IMPG1: variants seen among roughly 807,000 people sequenced by gnomAD.
The protein encoded by IMPG1 is interphotoreceptor matrix proteoglycan of 150 kDa.
In IMPG1, 85 loss-of-function variants were observed where a neutral mutation model predicts 92.0. The ratio of observed to expected loss-of-function variants is 0.92; its 90% CI spans 0.78 to 1.11. The LOEUF is 1.11. IMPG1 is among the 50% of genes least tolerant of loss of function. The pLI, the probability that IMPG1 is intolerant of heterozygous loss-of-function variation, is 0.00. For missense variants in IMPG1, 1,022 were observed against 956.0 expected, an observed-to-expected ratio of 1.07 and a Z score of -0.91; for synonymous variants, 367 against 334.1, an observed-to-expected ratio of 1.10 and a Z score of -1.08.
intron 5 of IMPG1, chr6:76,024,844 C>A: frequency 8.1e-6 from 3 of 371,220 alleles, no homozygotes; most frequent in Non-Finnish European, 1.0e-5. Context: ...TATAAAATAT[C>A]CTTTACATCA....
chr6:75,951,599 G>T (rs1221811491), intron 12 of IMPG1, among the ~76,000 whole-genome samples: 1 of 151,858 alleles, frequency 6.6e-6, no homozygotes, highest in East Asian at 1.9e-4. Flanking sequence ...GGATTTTTTT[G>T]GTTACAATAA....
intron 1 of IMPG1, among the ~76,000 whole-genome samples, chr6:76,056,259 C>T (rs949570698): frequency 1.3e-5 from 2 of 151,946 alleles, no homozygotes; most frequent in African/African-American, 4.8e-5. Context: ...ATAGAAGAAA[C>T]AATAAATTTC....
intron 12 of IMPG1, among the ~76,000 whole-genome samples, chr6:75,982,950 T>G (rs552556329): frequency 6.6e-6 from 1 of 152,012 alleles, no homozygotes; most frequent in Non-Finnish European, 1.5e-5. Flanking sequence ...ATTTAGTCAG[T>G]CATCCCTTCA....
At chr6:75,927,716 T>C (rs1781581067) in intron 15 of IMPG1, among the ~76,000 whole-genome samples, 1 of 145,886 alleles carries the variant, frequency 6.9e-6, no homozygotes, top group South Asian at 2.2e-4. Flanking sequence ...TAAGCATCTT[T>C]CCCTCCCTCC....
At chr6:75,997,595 A>G (rs1782924137) in intron 12 of IMPG1, among the ~76,000 whole-genome samples, 1 of 152,192 alleles carries the variant, frequency 6.6e-6, no homozygotes, top group African/African-American at 2.4e-5. Flanking sequence ...ACATTGCCTT[A>G]CACGTGAGGC....
In IMPG1 at chr6:76,011,232, G is replaced by A; in HGVS notation, c.808-8C>T. 6.7e-7 allele frequency: 1 copy of A among 1,493,700 alleles called. No homozygotes were observed. The highest frequency in any genetic ancestry group is 9.3e-7 in the Non-Finnish European group (1 of 1,073,560). 92.5% of individuals were successfully genotyped at this position (1,493,700 alleles called of 1,614,324 possible). ...CTTAAATATCTTTTGCATCTGCAGA[G>A]AGAAAGAAATTTGTAAAATACTCTT... On this transcript the variant is annotated splice_polypyrimidine_tract_variant and splice_region_variant and intron_variant, in intron 7 of 16. Coordinates refer to ENST00000369950, the MANE Select transcript of IMPG1 (RefSeq NM_001563.4).
chr6:75,923,645 G>C lies in IMPG1; in HGVS notation c.2305C>G (p.Gln769Glu), dbSNP rs746517520. The C allele has an allele frequency of 1.3e-6, 2 of 1,544,702 alleles. No individual in the cohort carries two copies. Among genetic ancestry groups the C allele is most frequent in the Non-Finnish European group, 1.8e-6 (2 of 1,118,848 alleles). Residue 769 changes from glutamine (Q) to glutamate (E), a missense_variant, in exon 16 of 17, where the codon CAA becomes GAA. Around this residue, in one of 3 missense-constraint regions of IMPG1, gnomAD observed 332 missense variants for 346.2 expected, o/e 0.96. Transcript: ENST00000369950. ...KTSVKKFQNQ[Q>E]NNKVISKRNS... ...AAGTATGATTTTACCTTGTTATTTT[G>C]TTGATTTTGGAACTTTTTAACACTA...
Position 76,018,835 on chromosome 6 carries a change from C to G in IMPG1, c.690G>C (p.Val230=). 6.3e-7 allele frequency: 1 copy of G among 1,599,094 alleles called. No homozygotes were observed. Among genetic ancestry groups the G allele is most frequent in the Non-Finnish European group, 8.5e-7 (1 of 1,174,040 alleles). ...PTTERETEFA[V]LEEQRVELSV... ...TGAGCTCCACCCTCTGCTCCTCCAA[C>G]ACAGCGAATTCTGTTTCTCTTTCCT... The change falls in exon 7 of 17, where the codon GTG becomes GTC. Residue 230 remains valine (V), a synonymous_variant. Coordinates refer to ENST00000369950, the MANE Select transcript of IMPG1 (RefSeq NM_001563.4).
chr6:75,933,815 A>G (rs1300423051), intron 14 of IMPG1, among the ~76,000 whole-genome samples: 1 of 152,230 alleles, frequency 6.6e-6, no homozygotes, highest in Non-Finnish European at 1.5e-5. Flanking sequence ...AAAGGCCATT[A>G]TGTGTTTGGC....
intron 12 of IMPG1, among the ~76,000 whole-genome samples, chr6:75,976,915 A>G (rs1418278898): frequency 6.6e-6 from 1 of 152,094 alleles, no homozygotes; most frequent in Non-Finnish European, 1.5e-5. Flanking sequence ...GTCTTAAAAA[A>G]AAAAAAAAAA....
At chr6:75,935,396 C>T (rs1235745017) in intron 14 of IMPG1, among the ~76,000 whole-genome samples, 1 of 152,260 alleles carries the variant, frequency 6.6e-6, no homozygotes, top group African/African-American at 2.4e-5. Flanking sequence ...AAACGCTTCC[C>T]GCGCTGCCAC....
intron 5 of IMPG1, among the ~76,000 whole-genome samples, chr6:76,022,789 G>T (rs543582506): frequency 6.6e-6 from 1 of 151,898 alleles, no homozygotes; most frequent in East Asian, 1.9e-4. Context: ...TTCAAGCAAA[G>T]AAAAAAGCGT....
chr6:75,974,024 T>C (rs1375413739), intron 12 of IMPG1, among the ~76,000 whole-genome samples: 2 of 152,240 alleles, frequency 1.3e-5, no homozygotes, highest in East Asian at 1.9e-4. Flanking sequence ...TGATCATTTG[T>C]AGAAATCAAA....
At chr6:75,993,852 A>T (rs1484085369) in intron 12 of IMPG1, among the ~76,000 whole-genome samples, 1 of 152,176 alleles carries the variant, frequency 6.6e-6, no homozygotes, top group Non-Finnish European at 1.5e-5. Context: ...TTTACTACTG[A>T]GGGATGATCA....
chr6:75,946,856 T>A (rs916728316), intron 14 of IMPG1, among the ~76,000 whole-genome samples: 3 of 152,104 alleles, frequency 2.0e-5, no homozygotes, highest in Non-Finnish European at 4.4e-5. Flanking sequence ...TAGAATGCTG[T>A]CTCTGATCCT....
chr6:75,955,665 C>G (rs1278759115), intron 12 of IMPG1, among the ~76,000 whole-genome samples: 1 of 152,180 alleles, frequency 6.6e-6, no homozygotes, highest in Non-Finnish European at 1.5e-5. Context: ...AGAGGGCATC[C>G]TCATCTTGTG....
At chr6:75,951,339 T>C (rs747042893) in intron 12 of IMPG1, among the ~76,000 whole-genome samples, 1 of 152,102 alleles carries the variant, frequency 6.6e-6, no homozygotes, top group Non-Finnish European at 1.5e-5. Flanking sequence ...CCAGTAGTTC[T>C]TGATATATGA....
In IMPG1 at chr6:76,041,986, T is replaced by G. The variant is rs1783851251; in HGVS notation, c.208A>C (p.Arg70=). The G allele has an allele frequency of 6.2e-7, 1 of 1,614,056 alleles. No individual in the cohort carries two copies. Among genetic ancestry groups the G allele is most frequent in the African/African-American group, 1.3e-5 (1 of 75,064 alleles). Residue 70 remains arginine (R), a synonymous_variant, in exon 2 of 17, where the codon AGA becomes CGA. Coordinates refer to ENST00000369950, the MANE Select transcript of IMPG1 (RefSeq NM_001563.4). ...ACCCCCGTTGGGAAAAATGCGGATCTTTTTGTTCGATGCTTTGCCAAATCG... is the reference window on the plus strand; with the variant it reads ...ACCCCCGTTGGGAAAAATGCGGATCGTTTTGTTCGATGCTTTGCCAAATCG... The part of the protein sequence containing the change: ...IFDLAKHRTK[R]SAFFPTGVKV...
intron 12 of IMPG1, among the ~76,000 whole-genome samples, chr6:75,988,024 A>T (rs878937214): frequency 6.6e-6 from 1 of 152,116 alleles, no homozygotes; most frequent in South Asian, 2.1e-4. Context: ...TCTATCATTG[A>T]TGGACATTTG....
Sources: allele counts gnomAD v4.1 joint callset (sites outside exome capture counted in the v4.1 genomes callset), GRCh38; gene constraint gnomAD v4.1.1; regional missense constraint gnomAD v4.1.1; transcripts MANE v1.5; gene names NCBI Gene and HGNC (gene_info 2026-07-23, HGNC 2026-07-21).